SLC26A7: variants seen among roughly 807,000 people sequenced by gnomAD.
The protein encoded by SLC26A7 is anion exchange transporter.
SLC26A7 carries 59 observed loss-of-function variants against 82.5 expected under a neutral mutation model. The ratio of observed to expected loss-of-function variants is 0.72; its 90% CI spans 0.58 to 0.89. SLC26A7 has a LOEUF of 0.89. SLC26A7 is among the 40% of genes least tolerant of loss of function. The probability of loss-of-function intolerance (pLI) is 0.00; values close to 1 mark genes in which losing one functional copy is unlikely to be tolerated. For missense variants in SLC26A7, 820 were observed against 793.0 expected (o/e 1.03, Z -0.41); for synonymous variants, 271 against 274.3 (o/e 0.99, Z 0.12).
chr8:91,329,921 C>T (rs1017319753), intron 5 of SLC26A7, among the ~76,000 whole-genome samples: 11 of 151,978 alleles, frequency 7.2e-5, no homozygotes, highest in Non-Finnish European at 1.0e-4. Flanking sequence ...AGCAATGAAC[C>T]CTGTTCCTTC....
At chr8:91,296,918 C>G (rs1051124966) in intron 4 of SLC26A7, among the ~76,000 whole-genome samples, 1 of 152,152 alleles carries the variant, frequency 6.6e-6, no homozygotes. Context: ...GTATGAGGCT[C>G]TCTGAGATCT....
At chr8:91,287,364 A>C (rs1811739969) in intron 2 of SLC26A7, among the ~76,000 whole-genome samples, 1 of 152,216 alleles carries the variant, frequency 6.6e-6, no homozygotes, top group Non-Finnish European at 1.5e-5. Context: ...CAGACAGATA[A>C]GCAGGAGGTA....
chr8:91,274,871 T>G (rs1471549033), intron 2 of SLC26A7, among the ~76,000 whole-genome samples: 1 of 152,156 alleles, frequency 6.6e-6, no homozygotes, highest in Non-Finnish European at 1.5e-5. Context: ...CAAGAAATCT[T>G]TCAAAAACAA....
chr8:91,236,569 A>AG (rs1810396088), intron 2 of SLC26A7, among the ~76,000 whole-genome samples: 1 of 151,456 alleles, frequency 6.6e-6, no homozygotes, highest in Admixed American at 6.6e-5. Context: ...TGTGCAGATA[A>AG]AAAAAAAACT....
intron 2 of SLC26A7, among the ~76,000 whole-genome samples, chr8:91,240,230 G>T (rs900827600): frequency 1.3e-5 from 2 of 152,138 alleles, no homozygotes; most frequent in Non-Finnish European, 2.9e-5. Context: ...TGAATAAAAA[G>T]TAAAGTTCCA....
intron 2 of SLC26A7, among the ~76,000 whole-genome samples, chr8:91,258,105 T>C (rs919673786): frequency 2.6e-5 from 4 of 151,970 alleles, no homozygotes; most frequent in African/African-American, 9.7e-5. Flanking sequence ...CCACTCCACA[T>C]GGGGATTATG....
intron 2 of SLC26A7, among the ~76,000 whole-genome samples, chr8:91,242,001 T>C (rs1810480399): frequency 6.6e-6 from 1 of 152,212 alleles, no homozygotes; most frequent in South Asian, 2.1e-4. Flanking sequence ...CAGTGTTCAG[T>C]AAATATTTTT....
chr8:91,277,521 G>A (rs530517222), intron 2 of SLC26A7, among the ~76,000 whole-genome samples: 24 of 152,238 alleles, frequency 1.6e-4, no homozygotes, highest in Non-Finnish European at 3.1e-4. Context: ...ATGTCCAGTG[G>A]CATCAAAGTG....
intron 2 of SLC26A7, among the ~76,000 whole-genome samples, chr8:91,262,622 G>C (rs1369365839): frequency 2.6e-5 from 4 of 151,960 alleles, no homozygotes; most frequent in African/African-American, 9.7e-5. Context: ...TTGGCCTCTT[G>C]TGGACTATTG....
At chr8:91,312,467 C>G (rs1351005757) in intron 4 of SLC26A7, among the ~76,000 whole-genome samples, 1 of 152,018 alleles carries the variant, frequency 6.6e-6, no homozygotes, top group Non-Finnish European at 1.5e-5. Flanking sequence ...CATGTATACC[C>G]CAAAATGGAA....
At chr8:91,274,999 T>C (rs997214092) in intron 2 of SLC26A7, among the ~76,000 whole-genome samples, 2 of 152,166 alleles carry the variant, frequency 1.3e-5, no homozygotes, top group Non-Finnish European at 2.9e-5. Context: ...ATTGGATAGA[T>C]ACCATTCAAC....
At chr8:91,392,236 TATTTC>T (rs1808423532) in intron 16 of SLC26A7, among the ~76,000 whole-genome samples, 1 of 152,174 alleles carries the variant, frequency 6.6e-6, no homozygotes, top group Non-Finnish European at 1.5e-5. Context: ...CTATTTTCTT[TATTTC>T]ATTATGGTTA....
At chr8:91,386,155 A>C (rs1047244070) in intron 15 of SLC26A7, among the ~76,000 whole-genome samples, 1 of 152,142 alleles carries the variant, frequency 6.6e-6, no homozygotes, top group Non-Finnish European at 1.5e-5. Flanking sequence ...TATAGATAAT[A>C]ATTTATGGAG....
At chr8:91,324,233 T>C (rs1432932624) in intron 5 of SLC26A7, among the ~76,000 whole-genome samples, 1 of 152,258 alleles carries the variant, frequency 6.6e-6, no homozygotes, top group Non-Finnish European at 1.5e-5. Flanking sequence ...TGATGTATAA[T>C]GATATAGGCA....
intron 2 of SLC26A7, among the ~76,000 whole-genome samples, chr8:91,234,829 T>TACC (rs1563637514): frequency 8.5e-4 from 67 of 78,466 alleles, no homozygotes; most frequent in South Asian, 3.9e-3. Flanking sequence ...ACCTACCTAC[T>TACC]TCCTTCCTTC....
At chr8:91,354,540 A>G (rs1157614941) in intron 11 of SLC26A7, among the ~76,000 whole-genome samples, 1 of 152,148 alleles carries the variant, frequency 6.6e-6, no homozygotes, top group Non-Finnish European at 1.5e-5. Context: ...GTGAAACATC[A>G]CTGAAAGGTG....
intron 2 of SLC26A7, among the ~76,000 whole-genome samples, chr8:91,243,150 T>C (rs1156899865): frequency 6.6e-6 from 1 of 152,112 alleles, no homozygotes; most frequent in Non-Finnish European, 1.5e-5. Flanking sequence ...AAAGTGAAAA[T>C]TGGCAAGCTG....
chr8:91,273,850 C>T (rs562218517), intron 2 of SLC26A7, among the ~76,000 whole-genome samples: 8 of 152,278 alleles, frequency 5.3e-5, no homozygotes, highest in Admixed American at 2.0e-4. Context: ...ATAAATTGCA[C>T]ATATAATTGT....
chr8:91,321,383 C>T (rs552630799), intron 5 of SLC26A7, among the ~76,000 whole-genome samples: 2 of 152,292 alleles, frequency 1.3e-5, no homozygotes, highest in African/African-American at 4.8e-5. Context: ...GAGGAAAACA[C>T]GCCCCGACTC....
Sources: allele counts gnomAD v4.1 joint callset (sites outside exome capture counted in the v4.1 genomes callset), GRCh38; gene constraint gnomAD v4.1.1; transcripts MANE v1.5; gene names NCBI Gene and HGNC (gene_info 2026-07-23, HGNC 2026-07-21).